CRTC3: variants seen among roughly 807,000 people sequenced by gnomAD.
CRTC3 encodes the protein CREB-regulated transcription coactivator 3.
In CRTC3, 26 loss-of-function variants were observed where a neutral mutation model predicts 74.5. The ratio of observed to expected loss-of-function variants is 0.35; its 90% CI spans 0.26 to 0.48. The LOEUF (loss-of-function observed/expected upper bound fraction) is 0.48. Ranked by LOEUF, CRTC3 falls within the 20% of genes least tolerant of loss-of-function variation. The probability of loss-of-function intolerance (pLI) is 0.99; values close to 1 mark genes in which losing one functional copy is unlikely to be tolerated. For missense variants in CRTC3, 760 were observed against 787.3 expected (o/e 0.97, Z 0.41); for synonymous variants, 377 against 325.8 (o/e 1.16, Z -1.69).
At chr15:90,579,237 C>A (rs1967478517) in intron 2 of CRTC3, among the ~76,000 whole-genome samples, 1 of 152,136 alleles carries the variant, frequency 6.6e-6, no homozygotes, top group African/African-American at 2.4e-5. Context: ...AAGTACTGTG[C>A]CCTTTTATAT....
chr15:90,641,858 C>A, intron 14 of CRTC3, 74 bp from the exon 15 acceptor site: 1 of 1,275,764 alleles, frequency 7.8e-7, no homozygotes, highest in Non-Finnish European at 1.1e-6. Context: ...CTGTCATCAG[C>A]TGGGTTTGCT....
intron 1 of CRTC3, 96 bp from the exon 2 acceptor site, chr15:90,539,943 C>A: frequency 1.2e-6 from 1 of 840,676 alleles, no homozygotes; most frequent in East Asian, 2.5e-5. Context: ...ACAAGACTTT[C>A]ATTCTTGAAC....
At chr15:90,608,158 G>A (rs1968273681) in intron 6 of CRTC3, among the ~76,000 whole-genome samples, 1 of 152,162 alleles carries the variant, frequency 6.6e-6, no homozygotes, top group African/African-American at 2.4e-5. Context: ...GTAAGGGGAT[G>A]GAGAGAGGCC....
At chr15:90,603,299 C>T (rs6496707) in intron 4 of CRTC3, among the ~76,000 whole-genome samples, 95,431 of 145,872 alleles carry the variant, frequency 0.65, 32,026 homozygotes, top group South Asian at 0.77. Flanking sequence ...AAAAAGTAGC[C>T]GGGCGTGGTG....
intron 4 of CRTC3, among the ~76,000 whole-genome samples, chr15:90,603,164 C>T (rs754355116): frequency 2.6e-5 from 4 of 152,046 alleles, no homozygotes; most frequent in Non-Finnish European, 4.4e-5. Context: ...AGCATCTTGG[C>T]CAGGCACGGT....
Position 90,577,176 on chromosome 15 carries a change from C to T in CRTC3, c.232-16460C>T, listed in dbSNP as rs1596096293. 3.3e-5 allele frequency among the ~76,000 whole-genome samples: 5 copies of T among 152,330 alleles called. No individual in the cohort carries two copies. The South Asian group carries it at 8.3e-4, about 25-fold the overall frequency. Reference sequence around the variant, plus strand: ...TTAATCTTGCCACTTTCAATCTCCCCATTACCATTATAAGTGCTGGGATTA... The same window carrying T: ...TTAATCTTGCCACTTTCAATCTCCCTATTACCATTATAAGTGCTGGGATTA... On this transcript the variant is annotated intron_variant, in intron 2 of 14. Transcript: ENST00000268184.
At chr15:90,640,937 G>A (rs1339989899) in intron 13 of CRTC3, 160 bp from the exon 14 acceptor site, 3 of 619,136 alleles carry the variant, frequency 4.8e-6, no homozygotes, top group African/African-American at 3.7e-5. Context: ...AGAATATTGT[G>A]CATGCATTAC....
chr15:90,610,294 G>A (rs1475541753), intron 6 of CRTC3, among the ~76,000 whole-genome samples: 5 of 152,200 alleles, frequency 3.3e-5, no homozygotes, highest in Non-Finnish European at 1.5e-5. Context: ...CCAGAACTGG[G>A]TTCTATGTTC....
intron 13 of CRTC3, among the ~76,000 whole-genome samples, chr15:90,640,604 C>T (rs1596155311): frequency 6.6e-6 from 1 of 152,038 alleles, no homozygotes; most frequent in African/African-American, 2.4e-5. Context: ...ATTGCTTGAG[C>T]CTGGGAGCTG....
chr15:90,601,894 T>A (rs1350768262), intron 3 of CRTC3, among the ~76,000 whole-genome samples: 1 of 152,132 alleles, frequency 6.6e-6, no homozygotes, highest in South Asian at 2.1e-4. Context: ...ACTCCTTTTT[T>A]TTCCACTCAA....
In CRTC3 at chr15:90,645,231, A is replaced by AC. The variant is rs1167012888; in HGVS notation, c.*3094dup. On this transcript the variant is annotated 3_prime_UTR_variant, in exon 15 of 15. Transcript: ENST00000268184. ...CTGCCAGTGTCCTAACCCCCAGGGCACCCTGTTCAACCATATTTAAAAATT... is the reference window on the plus strand; with the variant it reads ...CTGCCAGTGTCCTAACCCCCAGGGCACCCCTGTTCAACCATATTTAAAAATT... The AC allele has an allele frequency of 8.8e-6, 2 of 228,106 alleles. No homozygotes were observed. Among genetic ancestry groups the AC allele is most frequent in the East Asian group, 1.3e-4 (2 of 15,952 alleles). 14.1% of individuals were successfully genotyped at this position (228,106 alleles called of 1,614,324 possible). A position where few individuals can be genotyped will look rare whatever the true frequency, so the allele number is the denominator to read the frequency against.
At chr15:90,574,260 C>T (rs914406613) in intron 2 of CRTC3, among the ~76,000 whole-genome samples, 10 of 152,170 alleles carry the variant, frequency 6.6e-5, no homozygotes, top group Admixed American at 5.9e-4. Flanking sequence ...TGGTAGATCA[C>T]GAGGTCAAGA....
At chr15:90,567,296 A>G (rs1481620594) in intron 2 of CRTC3, among the ~76,000 whole-genome samples, 6 of 152,140 alleles carry the variant, frequency 3.9e-5, no homozygotes, top group Non-Finnish European at 8.8e-5. Flanking sequence ...TTTTAAGCCC[A>G]CTGTTGAGAC....
chr15:90,632,760 A>C (rs1227685040), intron 11 of CRTC3, among the ~76,000 whole-genome samples: 3 of 152,138 alleles, frequency 2.0e-5, no homozygotes, highest in Non-Finnish European at 4.4e-5. Context: ...ATGTGCCACG[A>C]CGCCTGGCTA....
At chr15:90,560,526 A>G (rs986282304) in intron 2 of CRTC3, among the ~76,000 whole-genome samples, 10 of 152,232 alleles carry the variant, frequency 6.6e-5, no homozygotes, top group African/African-American at 2.2e-4. Flanking sequence ...GGGGCAGACG[A>G]TGAATACTTC....
intron 2 of CRTC3, among the ~76,000 whole-genome samples, chr15:90,544,032 A>G (rs534951932): frequency 6.6e-6 from 1 of 152,302 alleles, no homozygotes; most frequent in Non-Finnish European, 1.5e-5. Context: ...CTGCTGTAAC[A>G]AAGTACCACA....
At chr15:90,606,244 T>C (rs924458782) in intron 5 of CRTC3, among the ~76,000 whole-genome samples, 6 of 146,042 alleles carry the variant, frequency 4.1e-5, no homozygotes, top group African/African-American at 1.5e-4. Flanking sequence ...TGAAATTCCA[T>C]CTCAAAAAGT....
chr15:90,534,290 T>C (rs1292090709), intron 1 of CRTC3, among the ~76,000 whole-genome samples: 1 of 152,128 alleles, frequency 6.6e-6, no homozygotes, highest in Non-Finnish European at 1.5e-5. Flanking sequence ...AAGTGGACAC[T>C]GGCAGGAGCA....
chr15:90,537,636 G>A (rs1441720115), intron 1 of CRTC3, among the ~76,000 whole-genome samples: 2 of 152,066 alleles, frequency 1.3e-5, no homozygotes, highest in African/African-American at 2.4e-5. Flanking sequence ...CGCCCGCCTC[G>A]GCCTCCCAAA....
Sources: allele counts gnomAD v4.1 joint callset (sites outside exome capture counted in the v4.1 genomes callset), GRCh38; gene constraint gnomAD v4.1.1; transcripts MANE v1.5; gene names NCBI Gene and HGNC (gene_info 2026-07-23, HGNC 2026-07-21).